The following RPH3AL variants were observed in gnomAD, a reference collection of about 807,000 sequenced individuals.
RPH3AL encodes rabphilin 3A like (without C2 domains).
A neutral mutation model predicts 43.1 loss-of-function variants in RPH3AL; 38 were observed. That is an observed-to-expected ratio of 0.88 (90% CI 0.68 to 1.15). The LOEUF (loss-of-function observed/expected upper bound fraction) is 1.15. Ranked by LOEUF, RPH3AL falls within the 50% of genes most tolerant of loss-of-function variation. The pLI, the probability that RPH3AL is intolerant of heterozygous loss-of-function variation, is 0.00. For synonymous variants in RPH3AL, 189 were observed against 176.3 expected, an observed-to-expected ratio of 1.07 and a Z score of -0.57; for missense variants, 462 against 423.2, an observed-to-expected ratio of 1.09 and a Z score of -0.81.
chr17:219,776 A>G, intron 7 of RPH3AL, 40 bp from the exon 8 acceptor site: 1 of 1,473,114 alleles, frequency 6.8e-7, no homozygotes, highest in Middle Eastern at 1.7e-4. Context: ...TCACCCGACC[A>G]GCCCCTACCT....
rs1335356488 is a variant in RPH3AL at position 245,951 on chromosome 17, C to T, written c.613+1160G>A. ...TGTACGCAGCATCCGGTAGGACCAG[C>T]GAGGAGAGGCTGCTATGAGGGAGTC... is the stretch of plus-strand genomic sequence containing the variant. On this transcript the variant is annotated intron_variant, in intron 7 of 9. Transcript: ENST00000331302. This position sits in a 1 kb window ranked among gnomAD's most constrained non-coding sequence, Gnocchi z 5.9. 2.0e-5 allele frequency among the ~76,000 whole-genome samples: 3 copies of T among 152,118 alleles called. No homozygotes were observed. Among genetic ancestry groups the T allele is most frequent in the African/African-American group, 7.2e-5 (3 of 41,418 alleles).
At position 230,396 on chromosome 17, in the gene RPH3AL, C is replaced by T. The variant is rs915409618; in HGVS notation, c.614-10660G>A. 9.8e-5 allele frequency among the ~76,000 whole-genome samples: 15 copies of T among 152,286 alleles called. 1 individual carries two copies. Among genetic ancestry groups the T allele is most frequent in the Admixed American group, 6.5e-5 (1 of 15,296 alleles). ...AGATCGGCTCCCTCCAGAGAGAACGCGAAGTGCGGGGGACCATTCAGGGAG... is the reference window on the plus strand; with the variant it reads ...AGATCGGCTCCCTCCAGAGAGAACGTGAAGTGCGGGGGACCATTCAGGGAG... On this transcript the variant is annotated intron_variant, in intron 7 of 9. Transcript: ENST00000331302.
intron 6 of RPH3AL, among the ~76,000 whole-genome samples, chr17:270,899 A>G (rs2042446893): frequency 6.6e-6 from 1 of 152,104 alleles, no homozygotes. Flanking sequence ...TAGGGTTTTT[A>G]TGGTTTTAGG....
chr17:259,504 T>TC (rs200670960), intron 6 of RPH3AL, among the ~76,000 whole-genome samples: 459 of 151,428 alleles, frequency 3.0e-3, no homozygotes, highest in Non-Finnish European at 5.8e-3. Context: ...CATCTACCCC[T>TC]CCCCGCCCAG....
chr17:303,809 G>A (rs1283810077), intron 5 of RPH3AL, among the ~76,000 whole-genome samples: 18 of 21,234 alleles, frequency 8.5e-4, no homozygotes, highest in Admixed American at 1.9e-3. Context: ...CCGTGTCTCA[G>A]GAAAGAGATG....
rs145404190 is a variant in RPH3AL, at chr17:250,584, A to G, written c.439-3299T>C. Among the ~76,000 whole-genome samples the G allele has an allele frequency of 6.9e-3, 395 of 57,152 alleles. 1 individual carries two copies. The highest frequency in any genetic ancestry group is 0.013 in the Middle Eastern group (1 of 76). 37.5% of individuals were successfully genotyped at this position (57,152 alleles called of 152,430 possible). A position where few individuals can be genotyped will look rare whatever the true frequency, so the allele number is the denominator to read the frequency against. ...CTCAGAGTCTTTACTAAGCTCTATCACTGCGGGACCTCTCAGGGCCTTTAC... is the reference window on the plus strand; with the variant it reads ...CTCAGAGTCTTTACTAAGCTCTATCGCTGCGGGACCTCTCAGGGCCTTTAC... On this transcript the variant is annotated intron_variant, in intron 6 of 9. Transcript: ENST00000331302.
At position 225,312 on chromosome 17, in the gene RPH3AL, T is replaced by G. The variant is rs993134896; in HGVS notation, c.614-5576A>C. On this transcript the variant is annotated intron_variant, in intron 7 of 9. Coordinates refer to ENST00000331302, the MANE Select transcript of RPH3AL (RefSeq NM_006987.4). The surrounding 1 kb of genome is among the most constrained non-coding windows in gnomAD (Gnocchi z 4.4). The stretch of plus-strand genomic sequence containing the variant: ...GTCCGTGTGCCCTCTTCGTAGTACT[T>G]GAGAAATGCAAGGAAAACCTGCCTT... Among the ~76,000 whole-genome samples the G allele has an allele frequency of 6.6e-6, 1 of 152,084 alleles. No individual in the cohort carries two copies. Among genetic ancestry groups the G allele is most frequent in the South Asian group, 2.1e-4 (1 of 4,812 alleles).
chr17:293,965 T>G (rs1451534369), intron 5 of RPH3AL, among the ~76,000 whole-genome samples: 2 of 151,926 alleles, frequency 1.3e-5, no homozygotes, highest in Admixed American at 6.5e-5. Context: ...AAGTCGGAAG[T>G]TGCAGTGAGC....
intron 8 of RPH3AL, among the ~76,000 whole-genome samples, chr17:217,451 A>G (rs1395348139): frequency 9.1e-5 from 4 of 43,830 alleles, no homozygotes; most frequent in Non-Finnish European, 2.0e-4. Flanking sequence ...GGCCTCGCTG[A>G]AATCAGGACC....
intron 6 of RPH3AL, among the ~76,000 whole-genome samples, chr17:263,012 A>G (rs1555546811): frequency 6.6e-6 from 1 of 152,180 alleles, no homozygotes; most frequent in East Asian, 1.9e-4. Context: ...AAATTCTTCC[A>G]ATGACATTAG....
At chr17:234,998 G>A (rs1458959699) in intron 7 of RPH3AL, among the ~76,000 whole-genome samples, 2 of 152,208 alleles carry the variant, frequency 1.3e-5, no homozygotes, top group Non-Finnish European at 2.9e-5. Context: ...GCCACGTGAA[G>A]AAGTCAGGAA....
At chr17:218,923 G>C (rs55767019) in intron 8 of RPH3AL, among the ~76,000 whole-genome samples, 35,423 of 152,130 alleles carry the variant, frequency 0.23, 4,910 homozygotes, top group Non-Finnish European at 0.3. Context: ...TCTCATGATT[G>C]AAGAGGCAAA....
chr17:315,564 C>A (rs2043992300), intron 5 of RPH3AL, among the ~76,000 whole-genome samples: 4 of 5,106 alleles, frequency 7.8e-4, no homozygotes, highest in Admixed American at 3.6e-3. Context: ...AGTCCCTGTG[C>A]CCCACCTCCA....
chr17:293,963 A>G (rs1290755123), intron 5 of RPH3AL, among the ~76,000 whole-genome samples: 3 of 151,958 alleles, frequency 2.0e-5, no homozygotes, highest in Non-Finnish European at 4.4e-5. Context: ...AGAAGTCGGA[A>G]GTTGCAGTGA....
chr17:226,638 C>T (rs536050265), intron 7 of RPH3AL, among the ~76,000 whole-genome samples: 7 of 152,304 alleles, frequency 4.6e-5, no homozygotes, highest in South Asian at 4.1e-4. Flanking sequence ...ACACGGTGTC[C>T]CCAAATGTTC....
intron 2 of RPH3AL, among the ~76,000 whole-genome samples, chr17:330,259 C>T (rs894005614): frequency 6.6e-6 from 1 of 152,252 alleles, no homozygotes; most frequent in South Asian, 2.1e-4. Context: ...TCAGACCTGA[C>T]CCTCCCCAGT....
chr17:221,576 C>A (rs4890169), intron 7 of RPH3AL, among the ~76,000 whole-genome samples: 19 of 115,518 alleles, frequency 1.6e-4, no homozygotes, highest in Admixed American at 4.4e-4. Flanking sequence ...TAGACCCAAG[C>A]ACATCAGCTC....
At chr17:318,991 G>A (rs762488638) in intron 5 of RPH3AL, among the ~76,000 whole-genome samples, 13 of 152,224 alleles carry the variant, frequency 8.5e-5, no homozygotes, top group Non-Finnish European at 1.5e-4. Flanking sequence ...GAGTGCCTAT[G>A]TACCAGGCAA....
chr17:269,600 G>A (rs2042413964), intron 6 of RPH3AL, among the ~76,000 whole-genome samples: 1 of 152,190 alleles, frequency 6.6e-6, no homozygotes, highest in Non-Finnish European at 1.5e-5. Flanking sequence ...CAACGTCTTT[G>A]GGCAAGTGAC....
Sources: allele counts gnomAD v4.1 joint callset (sites outside exome capture counted in the v4.1 genomes callset), GRCh38; gene constraint gnomAD v4.1.1; non-coding constraint Gnocchi (gnomAD v3.1); transcripts MANE v1.5; gene names NCBI Gene and HGNC (gene_info 2026-07-23, HGNC 2026-07-21).